The following ABCA13 variants were observed in gnomAD, a reference collection of about 807,000 sequenced individuals.
ABCA13 encodes the protein ATP-binding cassette sub-family A member 13.
In ABCA13, 476 loss-of-function variants were observed where a neutral mutation model predicts 478.7. The observed-to-expected ratio is 0.99, with a 90% CI of 0.92 to 1.07. The LOEUF is 1.07. ABCA13 is among the 50% of genes least tolerant of loss of function. The pLI, the probability that ABCA13 is intolerant of heterozygous loss-of-function variation, is 0.00. For missense variants in ABCA13, 6,060 were observed against 5,910.6 expected, an observed-to-expected ratio of 1.03 and a Z score of -0.83; for synonymous variants, 2,252 against 2,158.9, an observed-to-expected ratio of 1.04 and a Z score of -1.20.
intron 45 of ABCA13, among the ~76,000 whole-genome samples, chr7:48,479,048 C>T (rs1277164985): frequency 1.4e-5 from 2 of 142,222 alleles, no homozygotes; most frequent in Non-Finnish European, 1.5e-5. Flanking sequence ...CCTGGGTTCA[C>T]GCCATTCTCC....
chr7:48,436,561 T>C (rs566041147), intron 42 of ABCA13, among the ~76,000 whole-genome samples: 2 of 151,966 alleles, frequency 1.3e-5, no homozygotes, highest in Non-Finnish European at 1.5e-5. Context: ...CTGCTAGGGT[T>C]AGGTTTAGCT....
rs866610987 is a variant in ABCA13 at position 48,426,770 on chromosome 7, C to G, written c.12460-996C>G. On this transcript the variant is annotated intron_variant, in intron 41 of 61. Transcript: ENST00000435803. ...TGGCCCACAGAGAACGTTCAGGAAACCTTGGCTAACCACATGAATAATAGA... is the reference window on the plus strand; with the variant it reads ...TGGCCCACAGAGAACGTTCAGGAAAGCTTGGCTAACCACATGAATAATAGA... Among the ~76,000 whole-genome samples, 25 of 152,308 alleles carry G rather than the reference C, an allele frequency of 1.6e-4. No individual in the cohort carries two copies. In the Middle Eastern group the frequency reaches 0.01, roughly 62 times the overall value.
intron 43 of ABCA13, among the ~76,000 whole-genome samples, chr7:48,459,101 G>T (rs902937171): frequency 2.0e-5 from 3 of 152,186 alleles, no homozygotes; most frequent in Non-Finnish European, 4.4e-5. Flanking sequence ...TGAGAAAAGG[G>T]TGGCAGGGCC....
intron 16 of ABCA13, among the ~76,000 whole-genome samples, chr7:48,269,939 A>G (rs1401453906): frequency 6.6e-6 from 1 of 152,180 alleles, no homozygotes; most frequent in African/African-American, 2.4e-5. Flanking sequence ...TAGAGAATCA[A>G]TTCCTTGCTT....
intron 41 of ABCA13, among the ~76,000 whole-genome samples, chr7:48,422,153 C>T (rs571500892): frequency 6.3e-4 from 96 of 151,420 alleles, no homozygotes; most frequent in Non-Finnish European, 1.2e-3. Context: ...TTGAGAGACC[C>T]TGTTCCCTTT....
intron 53 of ABCA13, among the ~76,000 whole-genome samples, chr7:48,522,820 T>C (rs909859816): frequency 4.6e-5 from 7 of 152,134 alleles, no homozygotes; most frequent in African/African-American, 1.7e-4. Flanking sequence ...GCTTCCCAGG[T>C]AATCCTCCTG....
At chr7:48,191,715 G>A (rs563881636) in intron 1 of ABCA13, among the ~76,000 whole-genome samples, 3 of 152,172 alleles carry the variant, frequency 2.0e-5, no homozygotes, top group South Asian at 2.1e-4. Context: ...GCCAAAGAGG[G>A]TGATTTCTTT....
chr7:48,431,002 C>T (rs1822067715), intron 42 of ABCA13, among the ~76,000 whole-genome samples: 1 of 152,166 alleles, frequency 6.6e-6, no homozygotes, highest in African/African-American at 2.4e-5. Context: ...CTAAGCATTG[C>T]TTCAGCTGTA....
intron 55 of ABCA13, among the ~76,000 whole-genome samples, chr7:48,536,793 A>C (rs1414432492): frequency 6.6e-6 from 1 of 151,944 alleles, no homozygotes; most frequent in Non-Finnish European, 1.5e-5. Context: ...TTTTTGTTAG[A>C]TTTTTAATAT....
intron 55 of ABCA13, among the ~76,000 whole-genome samples, chr7:48,530,101 T>TG (rs1296646403): frequency 2.0e-5 from 3 of 152,102 alleles, no homozygotes; most frequent in Non-Finnish European, 4.4e-5. Flanking sequence ...CAAAATTCAT[T>TG]GTATCATTCT....
chr7:48,528,693 T>G (rs868111500), intron 55 of ABCA13, among the ~76,000 whole-genome samples: 22 of 152,146 alleles, frequency 1.4e-4, no homozygotes, highest in African/African-American at 5.3e-4. Flanking sequence ...TATTCTCCTC[T>G]GGATAAAACT....
chr7:48,329,316 T>C (rs1200100472), intron 27 of ABCA13, among the ~76,000 whole-genome samples: 1 of 152,174 alleles, frequency 6.6e-6, no homozygotes, highest in African/African-American at 2.4e-5. Context: ...TTTGGTACAG[T>C]GCGAAAAGTG....
Position 48,455,128 on chromosome 7 carries a change from G to T in ABCA13, c.12657G>T (p.Thr4219=). ...AAILARRLRR[T]LRAGKSTLAD... ...TCCTGGCCCGGAGGCTCCGCCGCAC[G>T]CTGCGCGCCGGGAAGAGCACCCTCG... is the stretch of plus-strand genomic sequence containing the variant. The change falls in exon 43 of 62, where the codon ACG becomes ACT. Residue 4219 remains threonine (T), a synonymous_variant. Coordinates refer to ENST00000435803, the MANE Select transcript of ABCA13 (RefSeq NM_152701.5). The T allele has an allele frequency of 1.3e-6, 2 of 1,565,960 alleles. No individual in the cohort carries two copies. Among genetic ancestry groups the T allele is most frequent in the South Asian group, 1.2e-5 (1 of 85,238 alleles).
chr7:48,211,410 T>A (rs909540313), intron 3 of ABCA13, among the ~76,000 whole-genome samples: 1 of 152,228 alleles, frequency 6.6e-6, no homozygotes, highest in Admixed American at 6.5e-5. Context: ...TTAGGGAAGT[T>A]AAGAGAGCAT....
intron 27 of ABCA13, among the ~76,000 whole-genome samples, chr7:48,330,654 T>TATTC (rs1353301704): frequency 6.6e-6 from 1 of 150,704 alleles, no homozygotes; most frequent in South Asian, 2.1e-4. Context: ...TCCATCCATC[T>TATTC]ATTCATTCAT....
At chr7:48,208,781 A>G (rs1785250264) in intron 3 of ABCA13, among the ~76,000 whole-genome samples, 2 of 152,108 alleles carry the variant, frequency 1.3e-5, no homozygotes, top group African/African-American at 2.4e-5. Flanking sequence ...TTCCTTTCCA[A>G]TTTGGATTCC....
intron 59 of ABCA13, among the ~76,000 whole-genome samples, chr7:48,618,212 G>A (rs750431425): frequency 4.6e-5 from 7 of 152,100 alleles, no homozygotes; most frequent in African/African-American, 7.2e-5. Flanking sequence ...AGTCAGCCCC[G>A]TAAACCCATG....
chr7:48,395,579 C>T (rs1203760837), intron 38 of ABCA13, among the ~76,000 whole-genome samples: 1 of 152,220 alleles, frequency 6.6e-6, no homozygotes, highest in Non-Finnish European at 1.5e-5. Flanking sequence ...GCCTCAACCA[C>T]CTTTGAGATA....
chr7:48,350,678 G>A lies in ABCA13; in HGVS notation c.10240G>A (p.Ala3414Thr), dbSNP rs367666935. The change falls in exon 30 of 62, where the codon GCT (alanine) becomes ACT (threonine). Residue 3414 changes from alanine (A) to threonine (T), a missense_variant. Physicochemically the swap from Ala to Thr is moderately conservative, Grantham distance 58 (BLOSUM62 0). Transcript: ENST00000435803. ...GGATGAGATGTTTAACCATGCAGGC[G>A]CTGGACGCTTCCGTTTCTTGGGCAG... ...LLDEMFNHAGAGRFRFLGSIL... is the reference protein window; with the variant it reads ...LLDEMFNHAGTGRFRFLGSIL... 146 of 1,613,858 alleles carry A rather than the reference G, an allele frequency of 9.0e-5. No homozygotes were observed. The highest frequency in any genetic ancestry group is 1.2e-4 in the Non-Finnish European group (143 of 1,179,814).
Sources: gnomAD v4.1 joint callset for allele counts (sites outside exome capture counted in the v4.1 genomes callset) on GRCh38, gnomAD v4.1.1 for gene constraint, MANE v1.5 for transcripts, NCBI Gene and HGNC (gene_info 2026-07-23, HGNC 2026-07-21) for gene names.